ARFGEF3: variants seen among roughly 807,000 people sequenced by gnomAD.
ARFGEF3 encodes the protein brefeldin A-inhibited guanine nucleotide-exchange protein 3.
A neutral mutation model predicts 221.7 loss-of-function variants in ARFGEF3; 96 were observed. The ratio of observed to expected loss-of-function variants is 0.43; its 90% confidence interval spans 0.37 to 0.51. The LOEUF (loss-of-function observed/expected upper bound fraction) is 0.51, where lower values mean the gene tolerates loss of function less well. ARFGEF3 is among the 20% of genes least tolerant of loss of function. ARFGEF3 has a pLI of 0.00. For missense variants in ARFGEF3, 2,410 were observed against 2,789.9 expected (o/e 0.86, Z 3.07); for synonymous variants, 1,145 against 1,126.8 (o/e 1.02, Z -0.32).
chr6:138,329,799 A>C (rs1243729416), intron 32 of ARFGEF3, among the ~76,000 whole-genome samples: 1 of 152,154 alleles, frequency 6.6e-6, no homozygotes, highest in African/African-American at 2.4e-5. Context: ...CTATCCCCCA[A>C]TGTGATGTTA....
At chr6:138,186,739 C>T (rs972410646) in intron 2 of ARFGEF3, among the ~76,000 whole-genome samples, 12 of 152,000 alleles carry the variant, frequency 7.9e-5, no homozygotes, top group African/African-American at 2.2e-4. Context: ...GAGATATCCC[C>T]GTCCCGCAAG....
intron 11 of ARFGEF3, 81 bp from the exon 12 acceptor site, chr6:138,262,620 A>T: frequency 2.9e-6 from 4 of 1,387,600 alleles, no homozygotes. Context: ...GCTGTTTGCC[A>T]GGCTAACACT....
chr6:138,248,176 A>G (rs1481734825), intron 8 of ARFGEF3, among the ~76,000 whole-genome samples: 1 of 152,168 alleles, frequency 6.6e-6, no homozygotes, highest in Non-Finnish European at 1.5e-5. Flanking sequence ...ACATTTGTTC[A>G]TTTTTGTGGT....
In ARFGEF3 at chr6:138,342,904, A is replaced by G. The variant is rs1780455405; in HGVS notation, c.*6418A>G. 1 of 152,224 alleles carries G rather than the reference A, an allele frequency of 6.6e-6. No homozygotes were observed. The highest frequency in any genetic ancestry group is 2.4e-5 in the African/African-American group (1 of 41,464). 9.4% of individuals were successfully genotyped at this position (152,224 alleles called of 1,614,324 possible). A position where few individuals can be genotyped will look rare whatever the true frequency, so the allele number is the denominator to read the frequency against. On this transcript the variant is annotated 3_prime_UTR_variant, in exon 34 of 34. Coordinates refer to ENST00000251691, the MANE Select transcript of ARFGEF3 (RefSeq NM_020340.5). Reference sequence around the variant, plus strand: ...GAGTCTACCCAAAGGCTTCACGGAAATTTGCAAAATGAACTAATTCCCTTT... The same window carrying G: ...GAGTCTACCCAAAGGCTTCACGGAAGTTTGCAAAATGAACTAATTCCCTTT...
At chr6:138,193,115 T>C (rs1007295209) in intron 2 of ARFGEF3, among the ~76,000 whole-genome samples, 8 of 152,188 alleles carry the variant, frequency 5.3e-5, no homozygotes, top group Non-Finnish European at 8.8e-5. Flanking sequence ...TGTGAAATCA[T>C]TTCACACCAG....
chr6:138,204,115 G>T (rs529484016), intron 2 of ARFGEF3, among the ~76,000 whole-genome samples: 1 of 151,596 alleles, frequency 6.6e-6, no homozygotes, highest in African/African-American at 2.4e-5. Context: ...AAGGTGGGCG[G>T]ATCACCTGAG....
At chr6:138,213,649 G>C (rs9376333) in intron 4 of ARFGEF3, among the ~76,000 whole-genome samples, 16,816 of 151,634 alleles carry the variant, frequency 0.11, 1,268 homozygotes, top group East Asian at 0.36. Context: ...CACGGAAGTA[G>C]AGAGTAAGAT....
At chr6:138,183,477 A>C (rs751195415) in intron 2 of ARFGEF3, among the ~76,000 whole-genome samples, 3 of 152,178 alleles carry the variant, frequency 2.0e-5, no homozygotes, top group Non-Finnish European at 4.4e-5. Flanking sequence ...TCAGTTCTAC[A>C]TGTTAACGTC....
chr6:138,229,652 T>C, intron 4 of ARFGEF3, 132 bp from the exon 5 acceptor site: 1 of 686,056 alleles, frequency 1.5e-6, no homozygotes, highest in South Asian at 1.7e-5. Context: ...GGGTGGGATA[T>C]AAAGAAATAT....
At chr6:138,233,666 C>T (rs566876617) in intron 5 of ARFGEF3, among the ~76,000 whole-genome samples, 13 of 152,248 alleles carry the variant, frequency 8.5e-5, no homozygotes, top group Non-Finnish European at 1.6e-4. Flanking sequence ...TATGAGCCAC[C>T]GTACCCGGCC....
At chr6:138,264,990 G>A (rs550390993) in intron 12 of ARFGEF3, among the ~76,000 whole-genome samples, 9 of 146,936 alleles carry the variant, frequency 6.1e-5, no homozygotes, top group East Asian at 2.0e-4. Flanking sequence ...TGCAAGCTCC[G>A]CCTCCCGGGT....
At chr6:138,234,496 G>T (rs1239317598) in intron 5 of ARFGEF3, among the ~76,000 whole-genome samples, 1 of 152,032 alleles carries the variant, frequency 6.6e-6, no homozygotes, top group Non-Finnish European at 1.5e-5. Flanking sequence ...GTGTGTGTGT[G>T]TGTGGTGTGT....
intron 8 of ARFGEF3, among the ~76,000 whole-genome samples, chr6:138,246,431 A>G (rs1778488391): frequency 6.6e-6 from 1 of 152,270 alleles, no homozygotes; most frequent in Non-Finnish European, 1.5e-5. Context: ...GTCTAGTTGT[A>G]GGCAAGAATG....
intron 5 of ARFGEF3, among the ~76,000 whole-genome samples, chr6:138,231,246 C>T (rs755421626): frequency 1.1e-4 from 16 of 152,128 alleles, no homozygotes; most frequent in Admixed American, 2.0e-4. Context: ...AATAAAAAGA[C>T]TCAGCAGGCC....
At chr6:138,283,427 A>G (rs1357119241) in intron 14 of ARFGEF3, among the ~76,000 whole-genome samples, 1 of 152,252 alleles carries the variant, frequency 6.6e-6, no homozygotes, top group African/African-American at 2.4e-5. Flanking sequence ...TGCTATGTCC[A>G]TAGGAAAGTT....
chr6:138,314,728 C>A (rs1289391316), intron 26 of ARFGEF3, among the ~76,000 whole-genome samples: 1 of 152,226 alleles, frequency 6.6e-6, no homozygotes, highest in African/African-American at 2.4e-5. Context: ...AGCCCAAAAA[C>A]ACAGCAGAGC....
chr6:138,290,924 C>CAAGAA lies in ARFGEF3; in HGVS notation c.3048-796_3048-792dup, dbSNP rs111321904. Among the ~76,000 whole-genome samples, 702 of 151,948 alleles carry CAAGAA rather than the reference C, an allele frequency of 4.6e-3. 2 individuals are homozygous for CAAGAA. Among genetic ancestry groups the CAAGAA allele is most frequent in the African/African-American group, 0.016 (664 of 41,406 alleles). On this transcript the variant is annotated intron_variant, in intron 18 of 33. Transcript: ENST00000251691. ...GACCTGCTGCTCTTTATTGCTCTAA[C>CAAGAA]AAGAAAAGAAAAGAAAAAAGAAAAT... is the stretch of plus-strand genomic sequence containing the variant.
intron 14 of ARFGEF3, among the ~76,000 whole-genome samples, chr6:138,284,277 C>T (rs1779246957): frequency 1.3e-5 from 2 of 152,234 alleles, no homozygotes; most frequent in South Asian, 4.1e-4. Context: ...TGTACCCCAG[C>T]CTGGGTGACA....
At chr6:138,209,826 G>C (rs1480626309) in intron 3 of ARFGEF3, 84 bp from the exon 4 acceptor site, 6 of 1,520,582 alleles carry the variant, frequency 3.9e-6, no homozygotes, top group Non-Finnish European at 5.4e-6. Flanking sequence ...TAAGAAAACT[G>C]ATCATCAATC....
Sources: gnomAD v4.1 joint callset for allele counts (sites outside exome capture counted in the v4.1 genomes callset) on GRCh38, gnomAD v4.1.1 for gene constraint, MANE v1.5 for transcripts, NCBI Gene and HGNC (gene_info 2026-07-23, HGNC 2026-07-21) for gene names.